NHSL1: variants seen among roughly 807,000 people sequenced by gnomAD.
NHSL1 encodes NHS-like protein 1.
NHSL1 carries 48 observed loss-of-function variants against 95.0 expected under a neutral mutation model. The observed-to-expected ratio is 0.51, with a 90% CI of 0.40 to 0.64. The LOEUF is 0.64. NHSL1 is among the 30% of genes least tolerant of loss of function. NHSL1 has a pLI of 0.00. For synonymous variants in NHSL1, 783 were observed against 833.9 expected, an observed-to-expected ratio of 0.94 and a Z score of 1.05; for missense variants, 1,971 against 2,077.7, an observed-to-expected ratio of 0.95 and a Z score of 1.00.
upstream of NHSL1, among the ~76,000 whole-genome samples, chr6:138,547,282 G>A (rs1782835953): frequency 2.7e-5 from 4 of 150,680 alleles, no homozygotes; most frequent in South Asian, 8.4e-4. Flanking sequence ...TAGTTTCTAT[G>A]ATCACAAGAA....
intron 1 of NHSL1, among the ~76,000 whole-genome samples, chr6:138,639,003 C>CT (rs1784925309): frequency 6.6e-6 from 1 of 152,022 alleles, no homozygotes; most frequent in Non-Finnish European, 1.5e-5. Flanking sequence ...TACTTTTCTT[C>CT]TTTTTTTGTA....
chr6:138,575,808 G>A (rs936174499), upstream of NHSL1, among the ~76,000 whole-genome samples: 4 of 151,976 alleles, frequency 2.6e-5, no homozygotes, highest in Admixed American at 1.3e-4. Flanking sequence ...TAGCAACCAC[G>A]ATGAACCCCA....
intron 1 of NHSL1, among the ~76,000 whole-genome samples, chr6:138,606,709 T>TC: frequency 6.7e-6 from 1 of 148,798 alleles, no homozygotes; most frequent in East Asian, 2.0e-4. Context: ...TTTCTTTTTT[T>TC]TTTTTTTTTT....
intron 3 of NHSL1, among the ~76,000 whole-genome samples, chr6:138,458,753 G>C (rs947108475): frequency 1.3e-5 from 2 of 151,312 alleles, no homozygotes; most frequent in Non-Finnish European, 2.9e-5. Flanking sequence ...TTGAACCTGG[G>C]AGGTAGAGGT....
upstream of NHSL1, among the ~76,000 whole-genome samples, chr6:138,549,323 C>T (rs1019113439): frequency 6.6e-6 from 1 of 152,184 alleles, no homozygotes; most frequent in African/African-American, 2.4e-5. Flanking sequence ...GCGGAGGTTG[C>T]AGTGAGCCAA....
At chr6:138,475,008 T>C (rs1456834630) in intron 2 of NHSL1, among the ~76,000 whole-genome samples, 8 of 151,764 alleles carry the variant, frequency 5.3e-5, no homozygotes, top group Admixed American at 5.3e-4. Flanking sequence ...ATTAGCCAGG[T>C]GTGGTGGCGC....
intron 1 of NHSL1, among the ~76,000 whole-genome samples, chr6:138,636,288 T>C (rs1784888066): frequency 6.6e-6 from 1 of 152,030 alleles, no homozygotes; most frequent in Admixed American, 6.6e-5. Context: ...AAATGCCACA[T>C]ACAACAGACC....
At chr6:138,627,357 G>C (rs1401036097) in intron 1 of NHSL1, among the ~76,000 whole-genome samples, 1 of 152,140 alleles carries the variant, frequency 6.6e-6, no homozygotes, top group East Asian at 1.9e-4. Flanking sequence ...GAATGTTCCT[G>C]AATGTATTCT....
chr6:138,651,393 G>A (rs1490073866), intron 1 of NHSL1, among the ~76,000 whole-genome samples: 1 of 152,148 alleles, frequency 6.6e-6, no homozygotes, highest in Non-Finnish European at 1.5e-5. Flanking sequence ...TTTGTAATAT[G>A]CAAGCTTCTT....
At chr6:138,648,224 T>G (rs1427075683) in intron 1 of NHSL1, among the ~76,000 whole-genome samples, 1 of 152,050 alleles carries the variant, frequency 6.6e-6, no homozygotes, top group Admixed American at 6.6e-5. Context: ...AATGTAGGAG[T>G]GTTTTCACTT....
chr6:138,452,319 A>G (rs1025423753), intron 3 of NHSL1, among the ~76,000 whole-genome samples: 2 of 152,244 alleles, frequency 1.3e-5, no homozygotes, highest in Non-Finnish European at 2.9e-5. Context: ...AGCTCTCACC[A>G]GATGGACAGT....
At chr6:138,627,335 T>C (rs370756988) in intron 1 of NHSL1, among the ~76,000 whole-genome samples, 4 of 152,204 alleles carry the variant, frequency 2.6e-5, no homozygotes, top group East Asian at 1.9e-4. Flanking sequence ...GTACCAACAA[T>C]AGTACTTAAT....
intron 2 of NHSL1, among the ~76,000 whole-genome samples, chr6:138,484,177 C>G (rs1779588801): frequency 6.6e-6 from 1 of 152,190 alleles, no homozygotes; most frequent in Non-Finnish European, 1.5e-5. Flanking sequence ...AAAAAGCTAA[C>G]TGCATCATGG....
intron 1 of NHSL1, among the ~76,000 whole-genome samples, chr6:138,554,958 G>A (rs899910469): frequency 1.3e-5 from 2 of 152,160 alleles, no homozygotes; most frequent in African/African-American, 4.8e-5. Flanking sequence ...AACAATAATG[G>A]TTTGAGGAAA....
At chr6:138,455,466 AGCCCCGCCTTCACATGCTCCCTGCAAG>A (rs1777526228) in intron 3 of NHSL1, among the ~76,000 whole-genome samples, 3 of 22,446 alleles carry the variant, frequency 1.3e-4, no homozygotes, top group South Asian at 1.3e-3. Context: ...AGCTGCAAGG[AGCCCCGCCTTCACATGCTCCCTGCAAG>A]GAGCCCCGCC....
chr6:138,676,938 G>A (rs986680889), intron 1 of NHSL1, among the ~76,000 whole-genome samples: 5 of 152,216 alleles, frequency 3.3e-5, no homozygotes, highest in African/African-American at 7.2e-5. Context: ...TTACAGGCGT[G>A]AGCCACTGCC....
chr6:138,598,860 T>G (rs1200608568), intron 1 of NHSL1, among the ~76,000 whole-genome samples: 1 of 152,152 alleles, frequency 6.6e-6, no homozygotes, highest in African/African-American at 2.4e-5. Context: ...CACTCTTAAG[T>G]ACAATAATGA....
chr6:138,573,822 C>T (rs901736667), upstream of NHSL1, among the ~76,000 whole-genome samples: 2 of 152,156 alleles, frequency 1.3e-5, no homozygotes, highest in African/African-American at 2.4e-5. Flanking sequence ...AGGCTGCAGC[C>T]GACACCACTT....
At chr6:138,548,479 A>G (rs943722744), upstream of NHSL1, among the ~76,000 whole-genome samples, 2 of 151,878 alleles carry the variant, frequency 1.3e-5, no homozygotes, top group African/African-American at 4.8e-5. Flanking sequence ...ACATTATGAG[A>G]TTGTTTTGCA....
Sources: gnomAD v4.1 joint callset for allele counts (sites outside exome capture counted in the v4.1 genomes callset) on GRCh38, gnomAD v4.1.1 for gene constraint, MANE v1.5 for transcripts, NCBI Gene and HGNC (gene_info 2026-07-23, HGNC 2026-07-21) for gene names.